SLFN5: variants seen among roughly 807,000 people sequenced by gnomAD.
SLFN5 encodes the protein schlafen family member 5.
A neutral mutation model predicts 48.5 loss-of-function variants in SLFN5; 34 were observed. The observed-to-expected ratio is 0.70, with a 90% CI of 0.53 to 0.93. The LOEUF (loss-of-function observed/expected upper bound fraction) is 0.93. Ranked by LOEUF, SLFN5 falls within the 40% of genes least tolerant of loss-of-function variation. The pLI, the probability that SLFN5 is intolerant of heterozygous loss-of-function variation, is 0.00. For missense variants in SLFN5, 1,006 were observed against 1,071.3 expected, an observed-to-expected ratio of 0.94 and a Z score of 0.85; for synonymous variants, 387 against 396.2, an observed-to-expected ratio of 0.98 and a Z score of 0.28.
Position 35,264,757 on chromosome 17 carries a change from C to G in SLFN5, c.1713C>G (p.Thr571=). 1.3e-6 allele frequency: 2 copies of G among 1,598,854 alleles called. No individual in the cohort carries two copies. The highest frequency in any genetic ancestry group is 1.7e-6 in the Non-Finnish European group (2 of 1,174,286). Residue 571 remains threonine (T), a synonymous_variant, in exon 4 of 5, where the codon ACC becomes ACG. Transcript: ENST00000299977. ...TGCTTTCAAAGAACCTTCGCAAGAC[C>G]AGAGAGTTGTTTGTTCATGGCTTAC... ...YELLSKNLRK[T]RELFVHGLPG...
chr17:35,252,744 A>G (rs2092445268), intron 1 of SLFN5, among the ~76,000 whole-genome samples: 1 of 152,130 alleles, frequency 6.6e-6, no homozygotes, highest in South Asian at 2.1e-4. Context: ...ACAGGAGAGT[A>G]GCCTAGTCCC....
chr17:35,262,599 A>C (rs1904552822), intron 3 of SLFN5, among the ~76,000 whole-genome samples: 1 of 152,174 alleles, frequency 6.6e-6, no homozygotes, highest in African/African-American at 2.4e-5. Context: ...GAGGTGGCTC[A>C]CACCTGTAAT....
intron 1 of SLFN5, among the ~76,000 whole-genome samples, chr17:35,248,296 G>A (rs1597644712): frequency 6.6e-6 from 1 of 152,126 alleles, no homozygotes; most frequent in African/African-American, 2.4e-5. Flanking sequence ...GATGAATGGG[G>A]CTGCCGTTTT....
At chr17:35,262,670 C>T (rs762655186) in intron 3 of SLFN5, among the ~76,000 whole-genome samples, 4 of 152,018 alleles carry the variant, frequency 2.6e-5, no homozygotes, top group Non-Finnish European at 5.9e-5. Context: ...CAAGACCAGC[C>T]TAGGCAACAT....
At position 35,259,339 on chromosome 17, in the gene SLFN5, T is replaced by C; in HGVS notation, c.649T>C (p.Ser217Pro). 1 of 1,614,202 alleles carries C rather than the reference T, an allele frequency of 6.2e-7. No homozygotes were observed. The highest frequency in any genetic ancestry group is 1.1e-5 in the South Asian group (1 of 91,084). The change falls in exon 2 of 5, where the codon TCT (serine) becomes CCT (proline). Residue 217 changes from serine to proline, a missense_variant. Transcript: ENST00000299977. Reference sequence around the variant, plus strand: ...TAAAGACAGACTTCCGAAGTGTGTTTCTGCATTTGCAAATACTGAAGGAGG... The same window carrying C: ...TAAAGACAGACTTCCGAAGTGTGTTCCTGCATTTGCAAATACTGAAGGAGG... The part of the protein sequence containing the change: ...CVKDRLPKCV[S>P]AFANTEGGYV...
intron 3 of SLFN5, among the ~76,000 whole-genome samples, chr17:35,263,910 T>C (rs1904595971): frequency 6.6e-6 from 1 of 152,158 alleles, no homozygotes; most frequent in Non-Finnish European, 1.5e-5. Flanking sequence ...TTTTCTTCTT[T>C]CCTAAATTGT....
At position 35,264,881 on chromosome 17, in the gene SLFN5, CA is replaced by C. The variant is rs767514611; in HGVS notation, c.1838del (p.Gln613ArgfsTer3). 3.2e-6 allele frequency: 5 copies of C among 1,565,916 alleles called. No homozygotes were observed. The highest frequency in any genetic ancestry group is 3.4e-6 in the Non-Finnish European group (4 of 1,162,482). ...PANILYICEN[Q>X]PLKKLVSFSK... is the part of the protein sequence containing the mutation. ...TAACATTCTCTACATCTGTGAAAAC[CA>C]GCCCCTGAAGAAGTTGGTGAGGTAT... On this transcript the variant is annotated frameshift_variant, in exon 4 of 5. Transcript: ENST00000299977. LOFTEE classifies it low-confidence loss of function (END_TRUNC).
Position 35,265,177 on chromosome 17 carries a change from T to C in SLFN5, c.1965T>C (p.Arg655=), listed in dbSNP as rs78459979. The change falls in exon 5 of 5, where the codon CGT becomes CGC. Residue 655 remains arginine, a synonymous_variant. Transcript: ENST00000299977. ...TCATTGATGACGCTCAGAATTTCCG[T>C]ACTGAAGATGGGGACTGGTATGGGA... ...HIIIDDAQNF[R]TEDGDWYGKA... The C allele has an allele frequency of 1.7e-3, 2,682 of 1,614,160 alleles. 54 individuals are homozygous for C. The East Asian group carries it at 0.044, about 27-fold the overall frequency.
At chr17:35,251,599 G>T (rs1217565496) in intron 1 of SLFN5, among the ~76,000 whole-genome samples, 1 of 150,534 alleles carries the variant, frequency 6.6e-6, no homozygotes, top group African/African-American at 2.4e-5. Flanking sequence ...TAGAGACGGG[G>T]TTTCACCGTG....
Position 35,264,672 on chromosome 17 carries a change from T to G in SLFN5, c.1628T>G (p.Phe543Cys). Reference protein sequence around the residue: ...LVIVLLGFKSFLSEELGSEVL... With the variant: ...LVIVLLGFKSCLSEELGSEVL... ...ATAGTCTTGCTTGGGTTCAAATCCTTCTTAAGTGAAGAGCTGGGCTCTGAG... is the reference window on the plus strand; with the variant it reads ...ATAGTCTTGCTTGGGTTCAAATCCTGCTTAAGTGAAGAGCTGGGCTCTGAG... Residue 543 changes from phenylalanine (F) to cysteine (C), a missense_variant, in exon 4 of 5, where the codon TTC becomes TGC. Transcript: ENST00000299977. 1.2e-6 allele frequency: 2 copies of G among 1,613,430 alleles called. No homozygotes were observed. The highest frequency in any genetic ancestry group is 2.2e-5 in the South Asian group (2 of 90,978).
chr17:35,250,003 G>C (rs56997348), intron 1 of SLFN5, among the ~76,000 whole-genome samples: 1,750 of 152,252 alleles, frequency 0.011, 45 homozygotes, highest in East Asian at 0.071. Flanking sequence ...CAAAGGAATG[G>C]CTCGAACCTA....
At chr17:35,257,486 T>C (rs1026743699) in intron 1 of SLFN5, among the ~76,000 whole-genome samples, 2 of 152,180 alleles carry the variant, frequency 1.3e-5, no homozygotes, top group Admixed American at 6.5e-5. Context: ...AATGTTTACA[T>C]TGTGTACTCA....
chr17:35,251,398 T>G (rs1037452613), intron 1 of SLFN5, among the ~76,000 whole-genome samples: 1 of 152,144 alleles, frequency 6.6e-6, no homozygotes, highest in African/African-American at 2.4e-5. Flanking sequence ...ATTTGGGGTT[T>G]TTTTTTGTTT....
chr17:35,258,788 CT>C lies in SLFN5; in HGVS notation c.99del (p.Arg34AlafsTer18). ...ACTCAGCAGAGGCAGGAGATGGACC[CT>C]CGCCTGCGGGAGAAACAGAATGAAA... Reference protein sequence around the residue: ...LGTQQRQEMDPRLREKQNEII... With the variant: ...LGTQQRQEMDXRLREKQNEII... On this transcript the variant is annotated frameshift_variant, in exon 2 of 5. Coordinates refer to ENST00000299977, the MANE Select transcript of SLFN5 (RefSeq NM_144975.4). LOFTEE classifies it high-confidence loss of function. The C allele has an allele frequency of 6.2e-7, 1 of 1,614,132 alleles. No individual in the cohort carries two copies. The highest frequency in any genetic ancestry group is 8.5e-7 in the Non-Finnish European group (1 of 1,180,034).
intron 1 of SLFN5, among the ~76,000 whole-genome samples, chr17:35,250,590 G>A (rs1004078679): frequency 1.3e-5 from 2 of 151,720 alleles, no homozygotes; most frequent in Non-Finnish European, 2.9e-5. Context: ...AACCCGGGAG[G>A]CGGAGCTTGC....
At chr17:35,248,463 G>A (rs902204888) in intron 1 of SLFN5, among the ~76,000 whole-genome samples, 2 of 152,132 alleles carry the variant, frequency 1.3e-5, no homozygotes, top group Admixed American at 6.5e-5. Context: ...TCTTCCAGAT[G>A]CCTCCGTGTA....
Position 35,264,763 on chromosome 17 carries a change from G to A in SLFN5, c.1719G>A (p.Glu573=). 1 of 1,598,828 alleles carries A rather than the reference G, an allele frequency of 6.3e-7. No homozygotes were observed. The highest frequency in any genetic ancestry group is 8.5e-7 in the Non-Finnish European group (1 of 1,174,278). ...LLSKNLRKTR[E]LFVHGLPGSG... ...CAAAGAACCTTCGCAAGACCAGAGA[G>A]TTGTTTGTTCATGGCTTACCTGGAT... Residue 573 remains glutamate, a synonymous_variant, in exon 4 of 5, where the codon GAG becomes GAA. Transcript: ENST00000299977.
At chr17:35,263,820 A>AT (rs1445015650) in intron 3 of SLFN5, among the ~76,000 whole-genome samples, 1 of 151,384 alleles carries the variant, frequency 6.6e-6, no homozygotes, top group Non-Finnish European at 1.5e-5. Context: ...TCAAAAAAAA[A>AT]AAAAAAGAAG....
At position 35,268,294 on chromosome 17, in the gene SLFN5, T is replaced by G. The variant is rs1035020307; in HGVS notation, c.*2406T>G. The G allele has an allele frequency of 3.3e-5, 5 of 152,180 alleles. No homozygotes were observed. The highest frequency in any genetic ancestry group is 7.2e-5 in the African/African-American group (3 of 41,416). The allele number at this position is 152,180 out of a possible 1,614,324, so 9.4% of individuals were successfully genotyped here. A position where few individuals can be genotyped will look rare whatever the true frequency, so the allele number is the denominator to read the frequency against. On this transcript the variant is annotated 3_prime_UTR_variant, in exon 5 of 5. Transcript: ENST00000299977. Reference sequence around the variant, plus strand: ...AAAGACTCTACCCAGCTGCCCTGATTAAGCATTAGAAAGATAAGTGTTCTG... The same window carrying G: ...AAAGACTCTACCCAGCTGCCCTGATGAAGCATTAGAAAGATAAGTGTTCTG...
Sources: allele counts gnomAD v4.1 joint callset (sites outside exome capture counted in the v4.1 genomes callset), GRCh38; gene constraint gnomAD v4.1.1; transcripts MANE v1.5; gene names NCBI Gene and HGNC (gene_info 2026-07-23, HGNC 2026-07-21).